The following RASSF5 variants were observed in gnomAD, a reference collection of about 807,000 sequenced individuals.
RASSF5 encodes the protein Ras association domain family member 5, also known as ras association domain-containing protein 5.
Under a neutral mutation model 40.5 loss-of-function variants are expected in RASSF5, and 25 were observed. The ratio of observed to expected loss-of-function variants is 0.62; its 90% CI spans 0.45 to 0.86. RASSF5 has a LOEUF of 0.86. Ranked by LOEUF, RASSF5 falls within the 40% of genes least tolerant of loss-of-function variation. The pLI is 0.00. For missense variants in RASSF5, 521 were observed against 572.8 expected (o/e 0.91, Z 0.92); for synonymous variants, 246 against 252.4 (o/e 0.97, Z 0.24).
chr1:206,516,045 A>G (rs1572290291), intron 1 of RASSF5, among the ~76,000 whole-genome samples: 2 of 152,184 alleles, frequency 1.3e-5, no homozygotes, highest in South Asian at 2.1e-4. Flanking sequence ...AGGTACCTTT[A>G]TATAAAATAG....
chr1:206,542,045 CA>C (rs1667557762), intron 2 of RASSF5: 1 of 152,268 alleles, frequency 6.6e-6, no homozygotes, highest in African/African-American at 2.4e-5. Flanking sequence ...ATGGAATGCA[CA>C]GATTGCAAGA....
intron 5 of RASSF5, chr1:206,586,507 G>A (rs1669115683): frequency 8.0e-6 from 2 of 249,830 alleles, no homozygotes; most frequent in Non-Finnish European, 1.6e-5. Context: ...CTGCATGTTG[G>A]GAGGCTGGGT....
intron 2 of RASSF5, among the ~76,000 whole-genome samples, chr1:206,550,213 C>T (rs908408630): frequency 3.3e-5 from 5 of 152,076 alleles, no homozygotes; most frequent in Admixed American, 2.6e-4. Flanking sequence ...TTTTAAAAAC[C>T]ACTGTTTCAT....
At position 206,507,980 on chromosome 1, in the gene RASSF5, C is replaced by T. The variant is rs186142170; in HGVS notation, c.378C>T (p.Ala126=). 9 of 1,534,046 alleles carry T rather than the reference C, an allele frequency of 5.9e-6. No individual in the cohort carries two copies. The highest frequency in any genetic ancestry group is 2.8e-5 in the African/African-American group (2 of 70,966). ...PAERGEGHCF[A]ELVLPGGPGW... ...AGCGAGGCGAGGGGCACTGCTTCGC[C>T]GAGTTGGTGCTGCCGGGCGGCCCCG... Residue 126 remains alanine, a synonymous_variant, in exon 1 of 6, where the codon GCC becomes GCT. Transcript: ENST00000579436.
At position 206,535,703 on chromosome 1, in the gene RASSF5, CTG is replaced by C. The variant is rs142222948; in HGVS notation, c.458-2458_458-2457del. ...TTTCAGGGTGTGTGTGTGTGTGTGT[CTG>C]TGTGTGTGTGGTGTGTGTGTGTGTG... On this transcript the variant is annotated intron_variant, in intron 1 of 5. Transcript: ENST00000579436. This position sits in a 1 kb window ranked among gnomAD's most constrained non-coding sequence, Gnocchi z 5.0. Among the ~76,000 whole-genome samples, 3 of 143,036 alleles carry C rather than the reference CTG, an allele frequency of 2.1e-5. No homozygotes were observed. Among genetic ancestry groups the C allele is most frequent in the South Asian group, 2.3e-4 (1 of 4,414 alleles). 93.8% of individuals were successfully genotyped at this position (143,036 alleles called of 152,430 possible).
intron 1 of RASSF5, among the ~76,000 whole-genome samples, chr1:206,525,544 G>GA (rs1667077581): frequency 6.6e-6 from 1 of 152,106 alleles, no homozygotes; most frequent in Non-Finnish European, 1.5e-5. Context: ...GAGTAGCTGG[G>GA]CCTACAGGCA....
rs1572287610 is a variant in RASSF5 at position 206,512,899 on chromosome 1, T to C, written c.457+4840T>C. Among the ~76,000 whole-genome samples the C allele has an allele frequency of 1.3e-5, 2 of 152,364 alleles. 1 individual carries two copies. The highest frequency in any genetic ancestry group is 3.9e-4 in the East Asian group (2 of 5,190). The stretch of plus-strand genomic sequence containing the variant: ...GTTTTCATGCCCGCTGCTACATTCA[T>C]GCTCAAAATAGTTTCATGAGGTCAG... On this transcript the variant is annotated intron_variant, in intron 1 of 5. Transcript: ENST00000579436.
At position 206,579,984 on chromosome 1, in the gene RASSF5, T is replaced by C. The variant is rs1553405939; in HGVS notation, c.580-3285T>C. On this transcript the variant is annotated intron_variant, in intron 2 of 5. Coordinates refer to ENST00000579436, the MANE Select transcript of RASSF5 (RefSeq NM_182663.4). The surrounding 1 kb of genome is among the most constrained non-coding windows in gnomAD (Gnocchi z 4.2). ...TCCATGGCTGTGACATTCGTAGTGT[T>C]GGCTACACACGGGGCTCCTGGCACT... 6.6e-6 allele frequency among the ~76,000 whole-genome samples: 1 copy of C among 152,222 alleles called. No homozygotes were observed. Among genetic ancestry groups the C allele is most frequent in the East Asian group, 1.9e-4 (1 of 5,200 alleles).
At chr1:206,511,086 T>C (rs1279784409) in intron 1 of RASSF5, among the ~76,000 whole-genome samples, 2 of 152,228 alleles carry the variant, frequency 1.3e-5, no homozygotes, top group African/African-American at 4.8e-5. Flanking sequence ...TGGTTAATGC[T>C]GGATTTGTGA....
intron 2 of RASSF5, among the ~76,000 whole-genome samples, chr1:206,545,316 A>G (rs1667652559): frequency 6.7e-6 from 1 of 148,310 alleles, no homozygotes; most frequent in Admixed American, 6.7e-5. Context: ...CTCCATTATT[A>G]GGTGCATAAA....
rs1269440310 is a variant in RASSF5, at chr1:206,588,281, C to T, written c.*1303C>T. On this transcript the variant is annotated 3_prime_UTR_variant, in exon 6 of 6. Coordinates refer to ENST00000579436, the MANE Select transcript of RASSF5 (RefSeq NM_182663.4). ...GTATGGGTTGAGGGTCACAGACCTCCCTCCCATCTGGGTGCCTGAGTTTTG... is the reference window on the plus strand; with the variant it reads ...GTATGGGTTGAGGGTCACAGACCTCTCTCCCATCTGGGTGCCTGAGTTTTG... The T allele has an allele frequency of 6.6e-6, 1 of 152,638 alleles. No homozygotes were observed. Among genetic ancestry groups the T allele is most frequent in the Non-Finnish European group, 1.5e-5 (1 of 68,048 alleles). The allele number at this position is 152,638 out of a possible 1,614,324, so 9.5% of individuals were successfully genotyped here.
At chr1:206,517,485 AAAG>A (rs1301714567) in intron 1 of RASSF5, among the ~76,000 whole-genome samples, 1 of 152,084 alleles carries the variant, frequency 6.6e-6, no homozygotes, top group Non-Finnish European at 1.5e-5. Context: ...AAAAAAGAAA[AAAG>A]AACAAGTGTC....
chr1:206,557,710 A>C, intron 2 of RASSF5: 1 of 1,613,558 alleles, frequency 6.2e-7, no homozygotes, highest in Non-Finnish European at 8.5e-7. Context: ...ATAATAATGG[A>C]ATGCAGGAGC....
rs75400082 is a variant in RASSF5 at position 206,566,541 on chromosome 1, G to T, written c.580-16728G>T. On this transcript the variant is annotated intron_variant, in intron 2 of 5. Coordinates refer to ENST00000579436, the MANE Select transcript of RASSF5 (RefSeq NM_182663.4). ...TGCTGTGGATGACATGCAGGAACTG[G>T]GTCTGCAGGGCCCTCGCTTTGCAGT... is the stretch of plus-strand genomic sequence containing the variant. Among the ~76,000 whole-genome samples the T allele has an allele frequency of 2.3e-3, 354 of 152,260 alleles. 2 individuals are homozygous for T. Among genetic ancestry groups the T allele is most frequent in the African/African-American group, 8.3e-3 (346 of 41,542 alleles).
At chr1:206,551,785 C>A (rs1553401070) in intron 2 of RASSF5, among the ~76,000 whole-genome samples, 1 of 152,200 alleles carries the variant, frequency 6.6e-6, no homozygotes, top group Non-Finnish European at 1.5e-5. Context: ...CCCAGGTGGG[C>A]TAGGCTAGCC....
chr1:206,526,855 C>G (rs1667110031), intron 1 of RASSF5, among the ~76,000 whole-genome samples: 1 of 152,152 alleles, frequency 6.6e-6, no homozygotes, highest in South Asian at 2.1e-4. Context: ...TGGGTGGACT[C>G]AGGCATCTCA....
rs1012574421 is a variant in RASSF5 at position 206,526,332 on chromosome 1, T to C, written c.458-11840T>C. ...GGGGTTGTGTGGAGGGAGGGAGCAG[T>C]TGTGTGCCTCCAGGCCCTCCGGGCT... On this transcript the variant is annotated intron_variant, in intron 1 of 5. Coordinates refer to ENST00000579436, the MANE Select transcript of RASSF5 (RefSeq NM_182663.4). 1.4e-4 allele frequency among the ~76,000 whole-genome samples: 20 copies of C among 146,974 alleles called. 2 individuals carry two copies. Among genetic ancestry groups the C allele is most frequent in the Admixed American group, 1.0e-3 (15 of 14,616 alleles).
At chr1:206,556,917 C>G (rs1668004934) in intron 2 of RASSF5, among the ~76,000 whole-genome samples, 1 of 152,118 alleles carries the variant, frequency 6.6e-6, no homozygotes, top group Admixed American at 6.5e-5. Context: ...TCCGTGGAAC[C>G]TGAGTCACCG....
Position 206,587,401 on chromosome 1 carries a change from T to C in RASSF5, c.*423T>C, listed in dbSNP as rs1553407919. The C allele has an allele frequency of 3.7e-6, 1 of 268,628 alleles. No individual in the cohort carries two copies. The highest frequency in any genetic ancestry group is 2.3e-5 in the African/African-American group (1 of 44,036). 16.6% of individuals were successfully genotyped at this position (268,628 alleles called of 1,614,324 possible). On this transcript the variant is annotated 3_prime_UTR_variant, in exon 6 of 6. Transcript: ENST00000579436. ...TTACTTGCCACGTACAGGACCATTATTTATGAGTGAAAAGTTGTAGCACAT... is the reference window on the plus strand; with the variant it reads ...TTACTTGCCACGTACAGGACCATTACTTATGAGTGAAAAGTTGTAGCACAT...
Sources: allele counts gnomAD v4.1 joint callset (sites outside exome capture counted in the v4.1 genomes callset), GRCh38; gene constraint gnomAD v4.1.1; non-coding constraint Gnocchi (gnomAD v3.1); transcripts MANE v1.5; gene names NCBI Gene and HGNC (gene_info 2026-07-23, HGNC 2026-07-21).